The following RIOX2 variants were observed in gnomAD, a reference collection of about 807,000 sequenced individuals.
RIOX2 encodes the protein 60S ribosomal protein L27a histidine hydroxylase.
RIOX2 carries 43 observed loss-of-function variants against 51.2 expected under a neutral mutation model. The ratio of observed to expected loss-of-function variants is 0.84; its 90% CI spans 0.66 to 1.08. The LOEUF is 1.08. Ranked by LOEUF, RIOX2 falls within the 50% of genes least tolerant of loss-of-function variation. The pLI is 0.00. For synonymous variants in RIOX2, 226 were observed against 218.5 expected, an observed-to-expected ratio of 1.03 and a Z score of -0.30; for missense variants, 566 against 561.7, an observed-to-expected ratio of 1.01 and a Z score of -0.08.
chr3:97,956,124 T>C (rs927836829), intron 4 of RIOX2, among the ~76,000 whole-genome samples: 2 of 152,196 alleles, frequency 1.3e-5, no homozygotes, highest in African/African-American at 4.8e-5. Context: ...GAGTAATGCG[T>C]AGCACTACAA....
At chr3:97,963,950 G>A (rs1309691772) in intron 2 of RIOX2, among the ~76,000 whole-genome samples, 1 of 152,104 alleles carries the variant, frequency 6.6e-6, no homozygotes, top group African/African-American at 2.4e-5. Flanking sequence ...ACACTGTGGC[G>A]AACAGCATAA....
chr3:97,959,316 T>TG (rs1433626539), intron 3 of RIOX2, 137 bp from the exon 4 acceptor site: 2 of 825,480 alleles, frequency 2.4e-6, no homozygotes, highest in African/African-American at 3.6e-5. Context: ...GTTTTTTTTT[T>TG]TTTTTTTTTT....
At chr3:97,957,181 G>T (rs575880839) in intron 4 of RIOX2, among the ~76,000 whole-genome samples, 25 of 151,688 alleles carry the variant, frequency 1.6e-4, no homozygotes, top group Non-Finnish European at 3.5e-4. Flanking sequence ...ACAAGGTTTC[G>T]CCTGAAGAGG....
chr3:97,954,258 G>T, intron 5 of RIOX2, 134 bp downstream of exon 5: 1 of 641,972 alleles, frequency 1.6e-6, no homozygotes, highest in Non-Finnish European at 2.8e-6. Flanking sequence ...GAATGTGGAA[G>T]TCAGTAAAGG....
intron 5 of RIOX2, among the ~76,000 whole-genome samples, chr3:97,953,557 T>A (rs1705328431): frequency 6.6e-6 from 1 of 152,022 alleles, no homozygotes; most frequent in Non-Finnish European, 1.5e-5. Flanking sequence ...TATTTGTATT[T>A]TTTTTAGTAG....
chr3:97,964,552 C>T (rs375198390), intron 2 of RIOX2, among the ~76,000 whole-genome samples: 4 of 151,276 alleles, frequency 2.6e-5, no homozygotes, highest in Admixed American at 2.6e-4. Context: ...AAAAATTAGC[C>T]GGGCATAGTG....
intron 1 of RIOX2, among the ~76,000 whole-genome samples, chr3:97,968,717 ATCTT>A (rs1339595627): frequency 3.3e-5 from 5 of 152,210 alleles, no homozygotes; most frequent in African/African-American, 1.2e-4. Flanking sequence ...GCAAAATTCT[ATCTT>A]AAAGTCCTTT....
rs571677649 is a variant in RIOX2 at position 97,943,021 on chromosome 3, G to A, written c.*2163C>T. 7 of 540,198 alleles carry A rather than the reference G, an allele frequency of 1.3e-5. No homozygotes were observed. The highest frequency in any genetic ancestry group is 1.2e-4 in the African/African-American group (6 of 50,946). The allele number at this position is 540,198 out of a possible 1,614,324, so 33.5% of individuals were successfully genotyped here. A position where few individuals can be genotyped will look rare whatever the true frequency, so the allele number is the denominator to read the frequency against. On this transcript the variant is annotated 3_prime_UTR_variant, in exon 10 of 10. Transcript: ENST00000394198. ...ATACAATCATGTATTATACCTTTTA[G>A]TATTTCAATTTGAGTCATAATAAGG...
intron 4 of RIOX2, among the ~76,000 whole-genome samples, 181 bp from the exon 5 acceptor site, chr3:97,954,676 C>T (rs1705390185): frequency 6.6e-6 from 1 of 152,064 alleles, no homozygotes; most frequent in Admixed American, 6.5e-5. Context: ...TCTCTGTGTC[C>T]GTGAGCCTGT....
At chr3:97,950,994 T>C (rs1705224297) in intron 5 of RIOX2, 106 bp from the exon 6 acceptor site, 1 of 754,044 alleles carries the variant, frequency 1.3e-6, no homozygotes. Context: ...AATTGGATTA[T>C]GGCTTCCCTG....
At chr3:97,967,666 T>G in intron 1 of RIOX2, 34 bp from the exon 2 acceptor site, 1 of 1,432,806 alleles carries the variant, frequency 7.0e-7, no homozygotes, top group Non-Finnish European at 9.3e-7. Context: ...TGGTTAGGTT[T>G]ACAAGGAGTG....
At chr3:97,962,394 C>T (rs1287199772) in intron 2 of RIOX2, among the ~76,000 whole-genome samples, 2 of 114,206 alleles carry the variant, frequency 1.8e-5, no homozygotes, top group Non-Finnish European at 3.3e-5. Context: ...GTCTTTAAGT[C>T]GGTCTGAAGT....
chr3:97,947,044 G>A (rs911353507), intron 8 of RIOX2, among the ~76,000 whole-genome samples: 1 of 152,046 alleles, frequency 6.6e-6, no homozygotes, highest in Non-Finnish European at 1.5e-5. Context: ...GTGGAGGACT[G>A]GGGCTGAGAA....
chr3:97,962,284 C>A (rs1384787717), intron 2 of RIOX2, among the ~76,000 whole-genome samples: 3 of 145,432 alleles, frequency 2.1e-5, no homozygotes, highest in Non-Finnish European at 4.5e-5. Context: ...ATGGGAAAAA[C>A]TTACTAAAAA....
chr3:97,965,438 G>C (rs1368661411), intron 2 of RIOX2, among the ~76,000 whole-genome samples: 1 of 151,878 alleles, frequency 6.6e-6, no homozygotes, highest in African/African-American at 2.4e-5. Flanking sequence ...CTTGAACCCA[G>C]GAGGCAGAGG....
At chr3:97,946,752 G>A (rs2040376781) in intron 8 of RIOX2, among the ~76,000 whole-genome samples, 2 of 151,702 alleles carry the variant, frequency 1.3e-5, no homozygotes, top group South Asian at 4.2e-4. Flanking sequence ...GAGGAATGAG[G>A]TGGAGCCATA....
At chr3:97,949,757 C>T (rs775676636) in intron 7 of RIOX2, 87 bp downstream of exon 7, 121 of 1,212,730 alleles carry the variant, frequency 1.0e-4, no homozygotes, top group Non-Finnish European at 1.3e-4. Flanking sequence ...TCATACTTTC[C>T]ATCTGTTCAA....
chr3:97,952,734 C>G (rs967228573), intron 5 of RIOX2, among the ~76,000 whole-genome samples: 3 of 152,168 alleles, frequency 2.0e-5, no homozygotes, highest in Non-Finnish European at 4.4e-5. Context: ...CTAATTCCAG[C>G]CTCTCTGTAG....
chr3:97,964,418 C>T (rs1288644621), intron 2 of RIOX2, among the ~76,000 whole-genome samples: 2 of 151,904 alleles, frequency 1.3e-5, no homozygotes, highest in East Asian at 1.9e-4. Context: ...CGGCTGGGTG[C>T]GGTGGCTCAT....
Sources: allele counts gnomAD v4.1 joint callset (sites outside exome capture counted in the v4.1 genomes callset), GRCh38; gene constraint gnomAD v4.1.1; transcripts MANE v1.5; gene names NCBI Gene and HGNC (gene_info 2026-07-23, HGNC 2026-07-21).